LPA: variants seen among roughly 807,000 people sequenced by gnomAD.
LPA encodes the protein lipoprotein(a), also known as apolipoprotein(a).
A neutral mutation model predicts 197.9 loss-of-function variants in LPA; 199 were observed. The observed-to-expected ratio is 1.01, with a 90% CI of 0.90 to 1.13. The LOEUF (loss-of-function observed/expected upper bound fraction) is 1.13, where lower values mean the gene tolerates loss of function less well. Among genes scored for constraint, LPA ranks in the 50% most tolerant of loss-of-function variants. The probability of loss-of-function intolerance (pLI) is 0.00; values close to 1 mark genes in which losing one functional copy is unlikely to be tolerated. For synonymous variants in LPA, 715 were observed against 639.5 expected (o/e 1.12, Z -1.78); for missense variants, 1,853 against 1,785.8 (o/e 1.04, Z -0.68).
intron 30 of LPA, among the ~76,000 whole-genome samples, chr6:160,555,436 C>T (rs1054241389): frequency 1.6e-5 from 2 of 121,998 alleles, no homozygotes; most frequent in Non-Finnish European, 3.4e-5. Context: ...TTCCCTAGAA[C>T]ATATATATAT....
chr6:160,595,326 T>A, intron 21 of LPA, 28 bp downstream of exon 21: 10 of 1,609,770 alleles, frequency 6.2e-6, no homozygotes, highest in Non-Finnish European at 8.5e-6. Context: ...CGTCCTAGGG[T>A]GTGGTTGTCT....
intron 2 of LPA, among the ~76,000 whole-genome samples, chr6:160,648,489 G>A (rs1779945302): frequency 6.6e-6 from 1 of 151,908 alleles, no homozygotes; most frequent in Non-Finnish European, 1.5e-5. Context: ...CCCACATGTA[G>A]GAAATCTTTT....
chr6:160,603,021 C>G (rs571013932), intron 18 of LPA, among the ~76,000 whole-genome samples: 2 of 126,304 alleles, frequency 1.6e-5, no homozygotes, highest in East Asian at 4.4e-4. Flanking sequence ...TTTGGAAATT[C>G]CCTGTCTGAT....
Position 160,541,145 on chromosome 6 carries a change from G to A in LPA, c.5556C>T (p.Ser1852=), listed in dbSNP as rs772071086. ...GAGCAGCAGTCAGCACCCACTCTGG[G>A]GATATTAAGGTGCCTCCACAGAAGT... ...GKHFCGGTLI[S]PEWVLTAAHC... The change falls in exon 35 of 39, where the codon TCC becomes TCT. Residue 1852 remains serine, a synonymous_variant. Coordinates refer to ENST00000316300, the MANE Select transcript of LPA (RefSeq NM_005577.4). 2 of 1,613,950 alleles carry A rather than the reference G, an allele frequency of 1.2e-6. No individual in the cohort carries two copies. Among genetic ancestry groups the A allele is most frequent in the South Asian group, 1.1e-5 (1 of 91,080 alleles).
At chr6:160,578,854 G>A in intron 26 of LPA, 150 bp from the exon 27 acceptor site, 1 of 1,202,774 alleles carries the variant, frequency 8.3e-7, no homozygotes. Flanking sequence ...AGCACAAATG[G>A]TCTTCAGCTT....
At chr6:160,563,245 C>G (rs1418730155) in intron 28 of LPA, among the ~76,000 whole-genome samples, 4 of 152,158 alleles carry the variant, frequency 2.6e-5, no homozygotes, top group Non-Finnish European at 5.9e-5. Context: ...TAGCTGTGTA[C>G]CAGAGATTCT....
intron 25 of LPA, among the ~76,000 whole-genome samples, chr6:160,586,220 G>A (rs1051210699): frequency 6.6e-6 from 1 of 152,122 alleles, no homozygotes; most frequent in Non-Finnish European, 1.5e-5. Context: ...GATAAATCCA[G>A]TGTCCTAGAG....
intron 16 of LPA, among the ~76,000 whole-genome samples, chr6:160,610,917 G>T (rs1384994229): frequency 6.6e-6 from 1 of 152,086 alleles, no homozygotes; most frequent in Non-Finnish European, 1.5e-5. Context: ...TGTTGATTAT[G>T]GCCAAATGAT....
chr6:160,540,228 T>G, intron 35 of LPA, 45 bp from the exon 36 acceptor site: 2 of 1,613,048 alleles, frequency 1.2e-6, no homozygotes. Context: ...GTCCAGCCCC[T>G]TCAGGTATCC....
At chr6:160,554,545 T>C (rs1053311551) in intron 30 of LPA, among the ~76,000 whole-genome samples, 4 of 152,268 alleles carry the variant, frequency 2.6e-5, no homozygotes, top group Admixed American at 2.0e-4. Context: ...GTATGACTTT[T>C]CTGGGGTCTC....
chr6:160,600,281 G>A (rs756388302), intron 19 of LPA, among the ~76,000 whole-genome samples: 22 of 152,126 alleles, frequency 1.4e-4, no homozygotes, highest in Admixed American at 1.0e-3. Flanking sequence ...TAAAGCAAAA[G>A]TCTACTACTC....
intron 31 of LPA, 40 bp downstream of exon 31, chr6:160,548,438 A>G (rs1778110970): frequency 6.3e-7 from 1 of 1,582,810 alleles, no homozygotes; most frequent in African/African-American, 1.3e-5. Context: ...AAGCACATAG[A>G]GAGGTATGTG....
chr6:160,547,717 T>C (rs1369950907), intron 32 of LPA, 72 bp downstream of exon 32: 2 of 1,605,340 alleles, frequency 1.2e-6, no homozygotes, highest in South Asian at 2.2e-5. Flanking sequence ...TTCCAGTATT[T>C]TCCTCTGCCC....
intron 26 of LPA, among the ~76,000 whole-genome samples, chr6:160,583,786 C>T (rs992751731): frequency 3.3e-5 from 5 of 152,118 alleles, no homozygotes; most frequent in Non-Finnish European, 7.4e-5. Context: ...AGTCTCTCTC[C>T]CCAGTTTAGC....
chr6:160,541,027 A>G, intron 35 of LPA, 80 bp downstream of exon 35: 3 of 1,194,944 alleles, frequency 2.5e-6, no homozygotes, highest in South Asian at 1.2e-5. Context: ...GGAGGGTGGG[A>G]AGAAAGAAGG....
intron 1 of LPA, among the ~76,000 whole-genome samples, chr6:160,652,322 T>C (rs959748740): frequency 1.3e-5 from 2 of 152,062 alleles, no homozygotes; most frequent in East Asian, 1.9e-4. Context: ...AAAGGAACTA[T>C]TGAATACAAA....
In LPA at chr6:160,585,213, TAA is replaced by T; in HGVS notation, c.4130-10_4130-9del. 1 of 1,613,514 alleles carries T rather than the reference TAA, an allele frequency of 6.2e-7. No individual in the cohort carries two copies. The highest frequency in any genetic ancestry group is 8.5e-7 in the Non-Finnish European group (1 of 1,179,638). On this transcript the variant is annotated splice_polypyrimidine_tract_variant and intron_variant, in intron 25 of 38. Transcript: ENST00000316300. ...TGCTGTTTTCAGTTGGTGCTGAAAT[TAA>T]AAGAGAAAATCAAGCTCAGTATTGC...
intron 32 of LPA, 71 bp downstream of exon 32, chr6:160,547,718 T>A: frequency 6.2e-7 from 1 of 1,605,640 alleles, no homozygotes; most frequent in Non-Finnish European, 8.5e-7. Flanking sequence ...TCCAGTATTT[T>A]CCTCTGCCCC....
rs41271014 is a variant in LPA at position 160,598,560 on chromosome 6, G to A, written c.3287+940C>T. ...TTCAACATGTGGAAACCGTTTTGCC[G>A]TGTCTTTGGTAGTCACTTATGGCCG... On this transcript the variant is annotated intron_variant, in intron 20 of 38. Coordinates refer to ENST00000316300, the MANE Select transcript of LPA (RefSeq NM_005577.4). Among the ~76,000 whole-genome samples the A allele has an allele frequency of 3.3e-3, 510 of 152,276 alleles. 2 individuals carry two copies. Among genetic ancestry groups the A allele is most frequent in the African/African-American group, 0.012 (491 of 41,558 alleles).
Sources: gnomAD v4.1 joint callset for allele counts (sites outside exome capture counted in the v4.1 genomes callset) on GRCh38, gnomAD v4.1.1 for gene constraint, MANE v1.5 for transcripts, NCBI Gene and HGNC (gene_info 2026-07-23, HGNC 2026-07-21) for gene names.